Variants in AP3B1 observed in about 807,000 individuals in gnomAD.
The protein encoded by AP3B1 is adaptor related protein complex 3 subunit beta 1.
In AP3B1, 61 loss-of-function variants were observed where a neutral mutation model predicts 132.5. That is an observed-to-expected ratio of 0.46 (90% CI 0.37 to 0.57). The LOEUF is 0.57. Ranked by LOEUF, AP3B1 falls within the 20% of genes least tolerant of loss-of-function variation. The pLI is 0.00. For synonymous variants in AP3B1, 388 were observed against 438.3 expected, an observed-to-expected ratio of 0.89 and a Z score of 1.43; for missense variants, 1,120 against 1,289.4, an observed-to-expected ratio of 0.87 and a Z score of 2.01.
chr5:78,149,904 G>A (rs1435731772), intron 14 of AP3B1, among the ~76,000 whole-genome samples: 1 of 151,626 alleles, frequency 6.6e-6, no homozygotes, highest in Non-Finnish European at 1.5e-5. Flanking sequence ...AAGTTCAGAT[G>A]CTAAATGACT....
In AP3B1 at chr5:78,003,028, C is replaced by T. The variant is rs1746248647; in HGVS notation, c.3159G>A (p.Gly1053=). The change falls in exon 27 of 27, where the codon GGG becomes GGA. Residue 1053 remains glycine (G), a synonymous_variant. Coordinates refer to ENST00000255194, the MANE Select transcript of AP3B1 (RefSeq NM_003664.5). ...HRFAAKTVHS[G]SLMLVTVELK... is the part of the protein sequence containing the mutation. ...GTTCCACTGTGACTAGCATCAATGACCCACTGTGCACAGTTTTAGCTGCAA... is the reference window on the plus strand; with the variant it reads ...GTTCCACTGTGACTAGCATCAATGATCCACTGTGCACAGTTTTAGCTGCAA... 4 of 1,614,176 alleles carry T rather than the reference C, an allele frequency of 2.5e-6. No homozygotes were observed. In the East Asian group the frequency reaches 8.9e-5, roughly 36 times the overall value.
chr5:78,133,700 T>A (rs1195352987), intron 15 of AP3B1, among the ~76,000 whole-genome samples: 2 of 152,206 alleles, frequency 1.3e-5, no homozygotes, highest in East Asian at 3.8e-4. Flanking sequence ...ATTCACAAAT[T>A]ACACAAGATA....
intron 22 of AP3B1, among the ~76,000 whole-genome samples, chr5:78,059,152 C>A (rs1040187397): frequency 2.6e-4 from 40 of 152,188 alleles, no homozygotes; most frequent in Non-Finnish European, 4.9e-4. Context: ...ATGAGAGAGG[C>A]AGGAGATTCA....
chr5:78,226,631 A>G (rs1275789201), intron 5 of AP3B1, among the ~76,000 whole-genome samples: 1 of 152,094 alleles, frequency 6.6e-6, no homozygotes, highest in Non-Finnish European at 1.5e-5. Context: ...GCTATTCATA[A>G]TTAAGTGCCA....
At chr5:78,039,478 A>G (rs535380590) in intron 22 of AP3B1, among the ~76,000 whole-genome samples, 1 of 152,310 alleles carries the variant, frequency 6.6e-6, no homozygotes, top group South Asian at 2.1e-4. Flanking sequence ...AACTGTATGA[A>G]AATTTTTCTG....
At chr5:78,199,172 A>C (rs1745191371) in intron 7 of AP3B1, among the ~76,000 whole-genome samples, 1 of 152,122 alleles carries the variant, frequency 6.6e-6, no homozygotes, top group Non-Finnish European at 1.5e-5. Flanking sequence ...TTCAGTGTTC[A>C]ATTGCCCACA....
At chr5:78,120,213 A>G (rs1237231809) in intron 17 of AP3B1, among the ~76,000 whole-genome samples, 1 of 152,212 alleles carries the variant, frequency 6.6e-6, no homozygotes, top group Admixed American at 6.5e-5. Context: ...GAAAAGAACA[A>G]CCAGTACCAG....
intron 22 of AP3B1, among the ~76,000 whole-genome samples, chr5:78,063,376 G>C (rs1749143857): frequency 6.6e-6 from 1 of 152,076 alleles, no homozygotes; most frequent in Non-Finnish European, 1.5e-5. Context: ...TGGATTATTA[G>C]CTTCTAGGCA....
chr5:78,200,614 A>G (rs1300853278), intron 7 of AP3B1, among the ~76,000 whole-genome samples: 1 of 152,140 alleles, frequency 6.6e-6, no homozygotes, highest in East Asian at 1.9e-4. Context: ...AGATGGCATT[A>G]CTGCACCCCA....
intron 11 of AP3B1, among the ~76,000 whole-genome samples, chr5:78,169,164 T>C (rs1023432667): frequency 4.6e-5 from 7 of 152,188 alleles, no homozygotes; most frequent in Non-Finnish European, 2.9e-5. Flanking sequence ...TTAATCACTA[T>C]AGATTTATAT....
intron 26 of AP3B1, among the ~76,000 whole-genome samples, chr5:78,010,417 T>C (rs1746569614): frequency 6.6e-6 from 1 of 152,152 alleles, no homozygotes; most frequent in Non-Finnish European, 1.5e-5. Context: ...TTGGGGTGGG[T>C]TCCAGAAATC....
At chr5:78,291,979 G>T (rs958573587) in intron 1 of AP3B1, among the ~76,000 whole-genome samples, 2 of 152,094 alleles carry the variant, frequency 1.3e-5, no homozygotes, top group African/African-American at 4.8e-5. Flanking sequence ...ACATGAATAC[G>T]TATATGTGCC....
At chr5:78,087,450 G>T (rs540612272) in intron 22 of AP3B1, 3 of 810,890 alleles carry the variant, frequency 3.7e-6, no homozygotes, top group Non-Finnish European at 4.5e-6. Flanking sequence ...ATTTCTACAC[G>T]TTCCATTTTT....
At position 78,053,678 on chromosome 5, in the gene AP3B1, C is replaced by CAA. The variant is rs1166305470; in HGVS notation, c.2578-14406_2578-14405dup. On this transcript the variant is annotated intron_variant, in intron 22 of 26. Transcript: ENST00000255194. Reference sequence around the variant, plus strand: ...CTGGTGATAGAGCAAGACTCCATCTCAAAAAAAAAAAAAAAAAAAGAAAGA... The same window carrying CAA: ...CTGGTGATAGAGCAAGACTCCATCTCAAAAAAAAAAAAAAAAAAAAAGAAAGA... Among the ~76,000 whole-genome samples the CAA allele has an allele frequency of 1.9e-3, 147 of 75,430 alleles. 1 individual carries two copies. The highest frequency in any genetic ancestry group is 0.012 in the South Asian group (25 of 2,130). The allele number at this position is 75,430 out of a possible 152,430, so 49.5% of individuals were successfully genotyped here. A position where few individuals can be genotyped will look rare whatever the true frequency, so the allele number is the denominator to read the frequency against.
chr5:78,117,621 A>G (rs1485468884), intron 17 of AP3B1, among the ~76,000 whole-genome samples: 1 of 152,086 alleles, frequency 6.6e-6, no homozygotes, highest in African/African-American at 2.4e-5. Context: ...ATTTTGTTCA[A>G]TTTTAAGTGT....
intron 25 of AP3B1, among the ~76,000 whole-genome samples, chr5:78,016,698 A>T (rs922397729): frequency 2.6e-5 from 4 of 152,092 alleles, no homozygotes; most frequent in Non-Finnish European, 2.9e-5. Context: ...TTGTGAAAAG[A>T]CTTTTGCCGT....
intron 20 of AP3B1, among the ~76,000 whole-genome samples, chr5:78,109,049 T>C (rs1359610868): frequency 2.0e-5 from 3 of 152,308 alleles, no homozygotes; most frequent in African/African-American, 7.2e-5. Flanking sequence ...GGTAATTTGA[T>C]GTAAGTATGA....
At chr5:78,280,613 TAA>T (rs1749008612) in intron 1 of AP3B1, among the ~76,000 whole-genome samples, 1 of 152,190 alleles carries the variant, frequency 6.6e-6, no homozygotes, top group Non-Finnish European at 1.5e-5. Flanking sequence ...AGAGGAAATA[TAA>T]GTTTTCTACA....
intron 1 of AP3B1, among the ~76,000 whole-genome samples, chr5:78,283,524 C>T (rs114038599): frequency 0.01 from 1,533 of 152,280 alleles, 23 homozygotes; most frequent in African/African-American, 0.034. Flanking sequence ...TCCTCACTGG[C>T]CTTCTCTTCA....
Sources: allele counts gnomAD v4.1 joint callset (sites outside exome capture counted in the v4.1 genomes callset), GRCh38; gene constraint gnomAD v4.1.1; transcripts MANE v1.5; gene names NCBI Gene and HGNC (gene_info 2026-07-23, HGNC 2026-07-21).